The following GH1 variants were observed in gnomAD, a reference collection of about 807,000 sequenced individuals.
GH1 encodes the protein growth hormone 1, also known as somatotropin.
A neutral mutation model predicts 24.5 loss-of-function variants in GH1; 13 were observed. That is an observed-to-expected ratio of 0.53 (90% CI 0.35 to 0.85). GH1 has a LOEUF of 0.85. GH1 is among the 40% of genes least tolerant of loss of function. The pLI, the probability that GH1 is intolerant of heterozygous loss-of-function variation, is 0.01. For missense variants in GH1, 294 were observed against 273.2 expected (o/e 1.08, Z -0.54); for synonymous variants, 126 against 116.3 (o/e 1.08, Z -0.54).
Position 63,917,937 on chromosome 17 carries a change from G to T in GH1, c.292-13C>A. The T allele has an allele frequency of 6.2e-7, 1 of 1,614,144 alleles. No homozygotes were observed. The highest frequency in any genetic ancestry group is 8.5e-7 in the Non-Finnish European group (1 of 1,180,020). Reference sequence around the variant, plus strand: ...GCAGCTCTAGGTTCTGCAGGGGAAGGACGGGCATTGGCTGTGCTGCCCGGG... The same window carrying T: ...GCAGCTCTAGGTTCTGCAGGGGAAGTACGGGCATTGGCTGTGCTGCCCGGG... On this transcript the variant is annotated splice_polypyrimidine_tract_variant and intron_variant, in intron 3 of 4. Transcript: ENST00000323322.
At chr17:63,918,243 G>T in intron 2 of GH1, 103 bp downstream of exon 2, 1 of 1,611,522 alleles carries the variant, frequency 6.2e-7, no homozygotes, top group Non-Finnish European at 8.5e-7. Flanking sequence ...TTTTCGCTTC[G>T]GGAAAAACCC....
chr17:63,918,530 A>G (rs755049792), intron 1 of GH1, 24 bp from the exon 2 acceptor site: 14 of 1,613,512 alleles, frequency 8.7e-6, no homozygotes, highest in Middle Eastern at 1.8e-4. Flanking sequence ...AGAGGGCAAC[A>G]GAGGGAGCCG....
rs1567803095 is a variant in GH1 at position 63,918,054 on chromosome 17, G to A, written c.254C>T (p.Pro85Leu). The change falls in exon 3 of 5, where the codon CCG (proline) becomes CTG (leucine). Residue 85 changes from proline (P) to leucine (L), a missense_variant. Coordinates refer to ENST00000323322, the MANE Select transcript of GH1 (RefSeq NM_000515.5). ...QTSLCFSESI[P>L]TPSNREETQQ... ...TGTTTCCTCCCTGTTGGAGGGTGTC[G>A]GAATAGACTCTGAGAAACAGAGGGA... 6.2e-7 allele frequency: 1 copy of A among 1,614,158 alleles called. No homozygotes were observed. The highest frequency in any genetic ancestry group is 1.1e-5 in the South Asian group (1 of 91,088).
At chr17:63,917,556 C>T (rs751419396) in intron 4 of GH1, 50 bp from the exon 5 acceptor site, 3 of 1,613,932 alleles carry the variant, frequency 1.9e-6, no homozygotes, top group Admixed American at 3.3e-5. Context: ...GGTACTGTTC[C>T]CTCCCTTTCT....
chr17:63,918,223 T>A lies in GH1; in HGVS notation c.172-87A>T, dbSNP rs1598395131. 1.1e-5 allele frequency: 17 copies of A among 1,612,504 alleles called. No individual in the cohort carries two copies. In the East Asian group the frequency reaches 3.6e-4, roughly 34 times the overall value. ...GGGAACCTCACTCAGCGTGTGCTCA[T>A]CTGCCTGCATTTTCGCTTCGGGAAA... On this transcript the variant is annotated intron_variant, in intron 2 of 4. Coordinates refer to ENST00000323322, the MANE Select transcript of GH1 (RefSeq NM_000515.5).
At position 63,918,426 on chromosome 17, in the gene GH1, G is replaced by A; in HGVS notation, c.91C>T (p.Pro31Ser). 2 of 1,614,198 alleles carry A rather than the reference G, an allele frequency of 1.2e-6. No individual in the cohort carries two copies. The highest frequency in any genetic ancestry group is 1.1e-5 in the South Asian group (1 of 91,082). Residue 31 changes from proline to serine, a missense_variant, in exon 2 of 5, where the codon CCC (proline) becomes TCC (serine). Physicochemically the swap from Pro to Ser is moderately conservative, Grantham distance 74. Coordinates refer to ENST00000323322, the MANE Select transcript of GH1 (RefSeq NM_000515.5). Reference protein sequence around the residue: ...LQEGSAFPTIPLSRLFDNAML... With the variant: ...LQEGSAFPTISLSRLFDNAML... Reference sequence around the variant, plus strand: ...GCGTTGTCAAAAAGCCTGGATAAGGGAATGGTTGGGAAGGCACTGCCCTCT... The same window carrying A: ...GCGTTGTCAAAAAGCCTGGATAAGGAAATGGTTGGGAAGGCACTGCCCTCT...
chr17:63,918,766 C>T lies in GH1; in HGVS notation c.10+1G>A. The stretch of plus-strand genomic sequence containing the variant: ...CCCAAAGGGATTTTAGGGGCGCTTA[C>T]CTGTAGCCATTGCAGCTAGGTGAGC... On this transcript the variant is annotated splice_donor_variant, in intron 1 of 4. Transcript: ENST00000323322. LOFTEE classifies it high-confidence loss of function. The T allele has an allele frequency of 6.2e-7, 1 of 1,613,978 alleles. No individual in the cohort carries two copies. The highest frequency in any genetic ancestry group is 8.5e-7 in the Non-Finnish European group (1 of 1,179,864).
Position 63,918,007 on chromosome 17 carries a change from A to T in GH1, c.291+10T>A, listed in dbSNP as rs374067833. 4 of 1,614,078 alleles carry T rather than the reference A, an allele frequency of 2.5e-6. No individual in the cohort carries two copies. The highest frequency in any genetic ancestry group is 3.4e-6 in the Non-Finnish European group (4 of 1,180,032). On this transcript the variant is annotated intron_variant, in intron 3 of 4. Transcript: ENST00000323322. ...CCCCATCCCCGCCTGGGGAGAAGGCATCCACTCACGGATTTCTGTTGTGTT... is the reference window on the plus strand; with the variant it reads ...CCCCATCCCCGCCTGGGGAGAAGGCTTCCACTCACGGATTTCTGTTGTGTT...
rs144550695 is a variant in GH1 at position 63,917,327 on chromosome 17, C to T, written c.636G>A (p.Glu212=). The T allele has an allele frequency of 1.2e-6, 2 of 1,614,068 alleles. No homozygotes were observed. The highest frequency in any genetic ancestry group is 2.7e-5 in the African/African-American group (2 of 75,048). ...FLRIVQCRSV[E]GSCGF is the part of the protein sequence containing the mutation. ...CGGGCAGCTAGAAGCCACAGCTGCCCTCCACAGAGCGGCACTGCACGATGC... is the reference window on the plus strand; with the variant it reads ...CGGGCAGCTAGAAGCCACAGCTGCCTTCCACAGAGCGGCACTGCACGATGC... The change falls in exon 5 of 5, where the codon GAG becomes GAA. Residue 212 remains glutamate (E), a synonymous_variant. Transcript: ENST00000323322.
chr17:63,918,313 C>T (rs1567803348), intron 2 of GH1, 33 bp downstream of exon 2: 1 of 1,613,812 alleles, frequency 6.2e-7, no homozygotes, highest in Non-Finnish European at 8.5e-7. Flanking sequence ...CTTCCTGCCA[C>T]CCCTGATGCG....
chr17:63,918,769 G>A lies in GH1; in HGVS notation c.8C>T (p.Thr3Ile). The A allele has an allele frequency of 6.2e-7, 1 of 1,614,004 alleles. No homozygotes were observed. Among genetic ancestry groups the A allele is most frequent in the Non-Finnish European group, 8.5e-7 (1 of 1,179,864 alleles). Residue 3 changes from threonine to isoleucine, a missense_variant and splice_region_variant, in exon 1 of 5, where the codon ACA (threonine) becomes ATA (isoleucine). Thr to Ile is a moderately conservative substitution (Grantham distance 89, BLOSUM62 -1). Coordinates refer to ENST00000323322, the MANE Select transcript of GH1 (RefSeq NM_000515.5). MA[T>I]GSRTSLLLAF... ...AAAGGGATTTTAGGGGCGCTTACCTGTAGCCATTGCAGCTAGGTGAGCTGT... is the reference window on the plus strand; with the variant it reads ...AAAGGGATTTTAGGGGCGCTTACCTATAGCCATTGCAGCTAGGTGAGCTGT...
chr17:63,918,435 G>A lies in GH1; in HGVS notation c.82C>T (p.Pro28Ser). ...LPWLQEGSAF[P>S]TIPLSRLFDN... ...AAAAGCCTGGATAAGGGAATGGTTG[G>A]GAAGGCACTGCCCTCTTGAAGCCAG... is the stretch of plus-strand genomic sequence containing the variant. The change falls in exon 2 of 5, where the codon CCA (proline) becomes TCA (serine). Residue 28 changes from proline (P) to serine (S), a missense_variant. Transcript: ENST00000323322. 6.8e-6 allele frequency: 11 copies of A among 1,614,184 alleles called. No homozygotes were observed. The highest frequency in any genetic ancestry group is 9.3e-6 in the Non-Finnish European group (11 of 1,180,046).
intron 4 of GH1, 73 bp from the exon 5 acceptor site, chr17:63,917,579 T>G (rs1175429922): frequency 3.7e-6 from 6 of 1,613,834 alleles, no homozygotes; most frequent in Non-Finnish European, 5.1e-6. Context: ...TTCATTCATT[T>G]TCCTCCCTCC....
At position 63,918,062 on chromosome 17, in the gene GH1, C is replaced by G. The variant is rs61762497; in HGVS notation, c.246G>C (p.Glu82Asp). 1.6e-4 allele frequency: 251 copies of G among 1,614,162 alleles called. No homozygotes were observed. Among genetic ancestry groups the G allele is most frequent in the Non-Finnish European group, 2.0e-4 (236 of 1,180,026 alleles). The change falls in exon 3 of 5, where the codon GAG becomes GAC. Residue 82 changes from glutamate to aspartate, a missense_variant. Coordinates refer to ENST00000323322, the MANE Select transcript of GH1 (RefSeq NM_000515.5). ...CCCTGTTGGAGGGTGTCGGAATAGACTCTGAGAAACAGAGGGAGGTCTGGG... is the reference window on the plus strand; with the variant it reads ...CCCTGTTGGAGGGTGTCGGAATAGAGTCTGAGAAACAGAGGGAGGTCTGGG... ...QNPQTSLCFS[E>D]SIPTPSNREE... is the part of the protein sequence containing the mutation.
intron 1 of GH1, 89 bp from the exon 2 acceptor site, chr17:63,918,595 C>CTG: frequency 6.2e-7 from 1 of 1,610,884 alleles, no homozygotes; most frequent in Non-Finnish European, 8.5e-7. Context: ...TTTTCTCTCT[C>CTG]CATCCCTCCA....
Position 63,918,335 on chromosome 17 carries a change from C to G in GH1, c.171+11G>C, listed in dbSNP as rs1247617334. ...CCACCCCTGATGCGCACCCATTCCC[C>G]AAGAGCTTACAAACTCCTGGTAGGT... On this transcript the variant is annotated intron_variant, in intron 2 of 4. Transcript: ENST00000323322. 2 of 1,614,000 alleles carry G rather than the reference C, an allele frequency of 1.2e-6. No individual in the cohort carries two copies. Among genetic ancestry groups the G allele is most frequent in the Non-Finnish European group, 1.7e-6 (2 of 1,179,996 alleles).
Position 63,917,460 on chromosome 17 carries a change from G to C in GH1, c.503C>G (p.Thr168Ser). 1 of 1,613,950 alleles carries C rather than the reference G, an allele frequency of 6.2e-7. No individual in the cohort carries two copies. The highest frequency in any genetic ancestry group is 8.5e-7 in the Non-Finnish European group (1 of 1,179,870). ...SPRTGQIFKQ[T>S]YSKFDTNSHN... is the part of the protein sequence containing the mutation. The stretch of plus-strand genomic sequence containing the variant: ...TGAGTTTGTGTCGAACTTGCTGTAG[G>C]TCTGCTTGAAGATCTGCCCAGTCCG... The change falls in exon 5 of 5, where the codon ACC becomes AGC. Residue 168 changes from threonine to serine, a missense_variant. Physicochemically the swap from Thr to Ser is moderately conservative, Grantham distance 58. Transcript: ENST00000323322.
chr17:63,917,584 C>T (rs1210173365), intron 4 of GH1, 78 bp from the exon 5 acceptor site: 3 of 1,613,810 alleles, frequency 1.9e-6, no homozygotes, highest in Non-Finnish European at 2.5e-6. Context: ...TCATTTTCCT[C>T]CCTCCCCTTC....
intron 3 of GH1, 46 bp from the exon 4 acceptor site, chr17:63,917,970 A>AC: frequency 8.7e-6 from 14 of 1,614,116 alleles, no homozygotes; most frequent in Non-Finnish European, 1.2e-5. Context: ...GGGGGCTCTG[A>AC]CTACAGGTCT....
Sources: allele counts gnomAD v4.1 joint callset, GRCh38; gene constraint gnomAD v4.1.1; transcripts MANE v1.5; gene names NCBI Gene and HGNC (gene_info 2026-07-23, HGNC 2026-07-21).